The following IL3RA variants were observed in gnomAD, a reference collection of about 807,000 sequenced individuals.
The protein encoded by IL3RA is interleukin 3 receptor subunit alpha, also known as interleukin-3 receptor subunit alpha.
A neutral mutation model predicts 52.3 loss-of-function variants in IL3RA; 73 were observed. The ratio of observed to expected loss-of-function variants is 1.40; its 90% CI spans 1.16 to 1.70. The LOEUF (loss-of-function observed/expected upper bound fraction) is 1.70. IL3RA is among the 40% of genes most tolerant of loss of function. The pLI is 0.00. For synonymous variants in IL3RA, 260 were observed against 194.0 expected (o/e 1.34, Z -2.83); for missense variants, 664 against 504.4 (o/e 1.32, Z -3.03).
chrX:1,358,736 C>T (rs764340100), intron 7 of IL3RA, 125 bp from the exon 8 acceptor site: 46 of 908,142 alleles, frequency 5.1e-5, no homozygotes, highest in African/African-American at 2.3e-4. Flanking sequence ...CACTGCTGCC[C>T]GAAGGCCTTC....
intron 9 of IL3RA, among the ~76,000 whole-genome samples, chrX:1,377,097 G>GT: frequency 9.2e-6 from 1 of 108,468 alleles, no homozygotes; most frequent in South Asian, 3.5e-4. Flanking sequence ...GGACAACCCT[G>GT]TGGGACACGG....
Position 1,348,548 on chromosome X carries a change from G to C in IL3RA, c.298+3G>C, listed in dbSNP as rs755634205. 2 of 1,604,498 alleles carry C rather than the reference G, an allele frequency of 1.2e-6. No individual in the cohort carries two copies. Among genetic ancestry groups the C allele is most frequent in the African/African-American group, 2.7e-5 (2 of 74,718 alleles). ...GTGGATCCTCTTCCCTGAGAACAGT[G>C]AGAAAAATGTTCATTGTTTGTTTAT... On this transcript the variant is annotated splice_donor_region_variant and intron_variant, in intron 4 of 11. Transcript: ENST00000331035.
At position 1,352,297 on chromosome X, in the gene IL3RA, C is replaced by A. The variant is rs760477658; in HGVS notation, c.432-25C>A. On this transcript the variant is annotated intron_variant, in intron 5 of 11. Transcript: ENST00000331035. The stretch of plus-strand genomic sequence containing the variant: ...GCGGGTGCCATCGGCGTGGGGTCGT[C>A]CCCCAACCTTACCGCTTACCGCAGC... 16 of 1,613,274 alleles carry A rather than the reference C, an allele frequency of 9.9e-6. No homozygotes were observed. The Admixed American group carries it at 1.0e-4, about 10-fold the overall frequency.
intron 7 of IL3RA, among the ~76,000 whole-genome samples, chrX:1,356,844 GTTTT>G (rs1223642180): frequency 3.3e-5 from 5 of 151,838 alleles, no homozygotes; most frequent in African/African-American, 9.7e-5. Context: ...TTGTTATGTG[GTTTT>G]TTAATTTTTT....
At chrX:1,361,522 T>G (rs1463056133) in intron 8 of IL3RA, among the ~76,000 whole-genome samples, 1 of 151,708 alleles carries the variant, frequency 6.6e-6, no homozygotes, top group Non-Finnish European at 1.5e-5. Context: ...GAGGACGAGG[T>G]GGGTGGACCA....
At chrX:1,366,434 G>C (rs867274387) in intron 9 of IL3RA, among the ~76,000 whole-genome samples, 7 of 51,308 alleles carry the variant, frequency 1.4e-4, no homozygotes, top group Admixed American at 3.5e-4. Flanking sequence ...CGGGGTGAGC[G>C]GGGTGCGCGG....
intron 8 of IL3RA, among the ~76,000 whole-genome samples, 185 bp downstream of exon 8, chrX:1,359,072 C>A (rs1266371077): frequency 6.6e-6 from 1 of 151,698 alleles, no homozygotes; most frequent in African/African-American, 2.4e-5. Flanking sequence ...TGAGTGTCAC[C>A]CTTACTGCGA....
chrX:1,356,749 G>A (rs1359824901), intron 7 of IL3RA, among the ~76,000 whole-genome samples: 3 of 151,120 alleles, frequency 2.0e-5, no homozygotes, highest in Non-Finnish European at 4.4e-5. Context: ...TCCAGCCTGG[G>A]CGACAGAGCG....
At chrX:1,356,167 AAAG>A (rs1181748673) in intron 6 of IL3RA, 51 bp from the exon 7 acceptor site, 13 of 1,145,564 alleles carry the variant, frequency 1.1e-5, no homozygotes, top group Admixed American at 4.3e-5. Context: ...AGAAAAAGAA[AAAG>A]AATTGATTTC....
chrX:1,367,936 C>CA (rs2088287838), intron 9 of IL3RA, among the ~76,000 whole-genome samples: 1 of 151,998 alleles, frequency 6.6e-6, no homozygotes, highest in African/African-American at 2.4e-5. Flanking sequence ...ACGGTGAACT[C>CA]ACAGCTTGCT....
At chrX:1,362,108 CTCTG>C (rs1445896619) in intron 8 of IL3RA, among the ~76,000 whole-genome samples, 68 of 151,682 alleles carry the variant, frequency 4.5e-4, no homozygotes, top group South Asian at 8.4e-4. Context: ...CCATCACCCA[CTCTG>C]TCTCTTTGTC....
intron 4 of IL3RA, 133 bp downstream of exon 4, chrX:1,348,678 CTTTCTTTCTTTCTTTTTCTTTCTTTCTG>C (rs1255886088): frequency 2.1e-6 from 1 of 474,454 alleles, no homozygotes; most frequent in Non-Finnish European, 3.6e-6. Context: ...TTCTTTCTTT[CTTTCTTTCTTTCTTTTTCTTTCTTTCTG>C]TTTCTGTTTC....
At chrX:1,354,284 A>G (rs1256639538) in intron 6 of IL3RA, among the ~76,000 whole-genome samples, 9 of 152,044 alleles carry the variant, frequency 5.9e-5, no homozygotes, top group Non-Finnish European at 1.0e-4. Flanking sequence ...TCAGTGGAGG[A>G]ATTTGGGACA....
At position 1,368,546 on chromosome X, in the gene IL3RA, C is replaced by A. The variant is rs563808034; in HGVS notation, c.874+3294C>A. Among the ~76,000 whole-genome samples, 7 of 152,254 alleles carry A rather than the reference C, an allele frequency of 4.6e-5. 1 individual carries two copies. The highest frequency in any genetic ancestry group is 1.9e-4 in the East Asian group (1 of 5,192). ...AAATTCGTGTGTTGAAGCTTTGATC[C>A]CCCAGGACCTCAGAATGTGACTGTG... On this transcript the variant is annotated intron_variant, in intron 9 of 11. Coordinates refer to ENST00000331035, the MANE Select transcript of IL3RA (RefSeq NM_002183.4).
intron 4 of IL3RA, among the ~76,000 whole-genome samples, chrX:1,349,920 G>A (rs1282620200): frequency 6.6e-6 from 1 of 151,932 alleles, no homozygotes; most frequent in Non-Finnish European, 1.5e-5. Context: ...CCAAAGTGCT[G>A]GGATGACAGG....
intron 7 of IL3RA, among the ~76,000 whole-genome samples, chrX:1,357,718 G>C (rs2086843923): frequency 6.6e-6 from 1 of 151,056 alleles, no homozygotes; most frequent in Non-Finnish European, 1.5e-5. Context: ...TTTTCTGTAA[G>C]TCTAAATCTG....
At chrX:1,380,591 G>GGGGGAGGAGGAGAGGGGAGGATGAGT (rs2089125241) in intron 10 of IL3RA, among the ~76,000 whole-genome samples, 1 of 21,436 alleles carries the variant, frequency 4.7e-5, no homozygotes. Context: ...GGAGGGGGAA[G>GGGGGAGGAGGAGAGGGGAGGATGAGT]GGGGAGGAGG....
intron 8 of IL3RA, among the ~76,000 whole-genome samples, chrX:1,363,606 G>T (rs1484393864): frequency 6.6e-6 from 1 of 150,770 alleles, no homozygotes; most frequent in African/African-American, 2.4e-5. Context: ...TCATCATAAG[G>T]CCCCACTGTA....
At position 1,382,424 on chromosome X, in the gene IL3RA, G is replaced by A. The variant is rs143281086; in HGVS notation, c.1096G>A (p.Glu366Lys). The A allele has an allele frequency of 8.6e-5, 138 of 1,613,736 alleles. 1 individual carries two copies. The African/African-American group carries it at 1.7e-3, about 20-fold the overall frequency. ...GGAGGCGGGCAAAGCCGGCCTGGAG[G>A]AGTGTCTGGTGACTGAAGTACAGGT... The part of the protein sequence containing the change: ...VWEAGKAGLE[E>K]CLVTEVQVVQ... The change falls in exon 12 of 12, where the codon GAG becomes AAG. Residue 366 changes from glutamate to lysine, a missense_variant. By Grantham distance (56) the Glu-to-Lys change is moderately conservative. Coordinates refer to ENST00000331035, the MANE Select transcript of IL3RA (RefSeq NM_002183.4).
Sources: allele counts gnomAD v4.1 joint callset (sites outside exome capture counted in the v4.1 genomes callset), GRCh38; gene constraint gnomAD v4.1.1; transcripts MANE v1.5; gene names NCBI Gene and HGNC (gene_info 2026-07-23, HGNC 2026-07-21).